P2RX7: variants seen among roughly 807,000 people sequenced by gnomAD.
P2RX7 encodes the protein purinergic receptor P2X 7.
Under a neutral mutation model 71.6 loss-of-function variants are expected in P2RX7, and 62 were observed. The ratio of observed to expected loss-of-function variants is 0.87; its 90% CI spans 0.71 to 1.07. P2RX7 has a LOEUF of 1.07. P2RX7 is among the 50% of genes least tolerant of loss of function. The pLI is 0.00. For missense variants in P2RX7, 686 were observed against 748.5 expected (o/e 0.92, Z 0.97); for synonymous variants, 299 against 283.3 (o/e 1.06, Z -0.56).
chr12:121,187,509 G>A lies in P2RX7; in HGVS notation c.*2707G>A, dbSNP rs1884995931. On this transcript the variant is annotated 3_prime_UTR_variant, in exon 13 of 13. Coordinates refer to ENST00000328963, the MANE Select transcript of P2RX7 (RefSeq NM_002562.6). ...CCATTCTGATGGCTTCTGGGCCTTTGTACCTTTGTTTTTGGTGCCTTATTC... is the reference window on the plus strand; with the variant it reads ...CCATTCTGATGGCTTCTGGGCCTTTATACCTTTGTTTTTGGTGCCTTATTC... The A allele has an allele frequency of 2.0e-5, 3 of 152,068 alleles. No individual in the cohort carries two copies. Among genetic ancestry groups the A allele is most frequent in the Admixed American group, 2.0e-4 (3 of 15,254 alleles). 9.4% of individuals were successfully genotyped at this position (152,068 alleles called of 1,614,324 possible). A position where few individuals can be genotyped will look rare whatever the true frequency, so the allele number is the denominator to read the frequency against.
intron 12 of P2RX7, among the ~76,000 whole-genome samples, chr12:121,183,590 T>TACAC (rs71079032): frequency 5.4e-4 from 64 of 117,676 alleles, no homozygotes; most frequent in African/African-American, 6.9e-4. Flanking sequence ...AAACAACAAA[T>TACAC]ACACACACAC....
At chr12:121,161,121 T>C (rs2136067368) in intron 4 of P2RX7, 147 bp downstream of exon 4, 1 of 717,610 alleles carries the variant, frequency 1.4e-6, no homozygotes, top group East Asian at 2.5e-5. Flanking sequence ...TGCCCATGCT[T>C]CGGCTCTGTC....
At chr12:121,170,049 T>A (rs1052891546) in intron 8 of P2RX7, among the ~76,000 whole-genome samples, 4 of 152,186 alleles carry the variant, frequency 2.6e-5, no homozygotes, top group African/African-American at 9.6e-5. Flanking sequence ...GCCTGGCCCC[T>A]GTGTAGACGT....
At chr12:121,159,725 G>A (rs61746435) in intron 3 of P2RX7, among the ~76,000 whole-genome samples, 67 of 152,252 alleles carry the variant, frequency 4.4e-4, no homozygotes, top group African/African-American at 1.6e-3. Flanking sequence ...TCTCTCTTCC[G>A]TGTTCTGTCC....
At position 121,166,150 on chromosome 12, in the gene P2RX7, G is replaced by A. The variant is rs200108827; in HGVS notation, c.707G>A (p.Arg236Gln). 172 of 1,613,928 alleles carry A rather than the reference G, an allele frequency of 1.1e-4. No homozygotes were observed. Among genetic ancestry groups the A allele is most frequent in the Non-Finnish European group, 1.2e-4 (138 of 1,179,880 alleles). The change falls in exon 7 of 13, where the codon CGA becomes CAA. Residue 236 changes from arginine (R) to glutamine (Q), a missense_variant. Coordinates refer to ENST00000328963, the MANE Select transcript of P2RX7 (RefSeq NM_002562.6). Reference sequence around the variant, plus strand: ...ATTTTCCGACTAGGAGACATCTTCCGAGAAACAGGCGATAATTTTTCAGAT... The same window carrying A: ...ATTTTCCGACTAGGAGACATCTTCCAAGAAACAGGCGATAATTTTTCAGAT... ...CPIFRLGDIF[R>Q]ETGDNFSDVA...
intron 11 of P2RX7, among the ~76,000 whole-genome samples, chr12:121,178,783 C>T (rs1202115086): frequency 2.6e-5 from 3 of 114,772 alleles, no homozygotes; most frequent in Non-Finnish European, 5.2e-5. Flanking sequence ...CAGAGGGAAA[C>T]TCTGTCTCAA....
chr12:121,167,692 A>C, intron 8 of P2RX7, 68 bp downstream of exon 8: 1 of 1,391,286 alleles, frequency 7.2e-7, no homozygotes, highest in South Asian at 1.7e-5. Flanking sequence ...GGTGAGACTA[A>C]TTTTGGTTTC....
chr12:121,176,654 A>G (rs1395077019), intron 9 of P2RX7, among the ~76,000 whole-genome samples: 1 of 149,010 alleles, frequency 6.7e-6, no homozygotes, highest in African/African-American at 2.5e-5. Flanking sequence ...TGGGAGGCTG[A>G]GGCAGGAGTA....
At chr12:121,176,751 C>CAAAAAAAAAA (rs34853051) in intron 9 of P2RX7, among the ~76,000 whole-genome samples, 1 of 68,776 alleles carries the variant, frequency 1.5e-5, no homozygotes, top group African/African-American at 5.4e-5. Flanking sequence ...GACTCTGTCT[C>CAAAAAAAAAA]AAAAAAAAAA....
intron 1 of P2RX7, among the ~76,000 whole-genome samples, chr12:121,151,395 A>G (rs546712499): frequency 6.6e-6 from 1 of 151,668 alleles, no homozygotes; most frequent in Non-Finnish European, 1.5e-5. Flanking sequence ...TGCCACCACA[A>G]CTGGCTAATT....
intron 1 of P2RX7, among the ~76,000 whole-genome samples, chr12:121,136,023 A>AAAAAAAAAAAAAAAATATATATAT: frequency 2.0e-4 from 3 of 15,260 alleles, no homozygotes; most frequent in Non-Finnish European, 5.5e-4. Context: ...AAAAAAAAAA[A>AAAAAAAAAAAAAAAATATATATAT]ATATATATAT....
rs574113204 is a variant in P2RX7, at chr12:121,158,201, A to G, written c.363+2054A>G. Among the ~76,000 whole-genome samples, 11 of 152,316 alleles carry G rather than the reference A, an allele frequency of 7.2e-5. No individual in the cohort carries two copies. The South Asian group carries it at 1.0e-3, about 14-fold the overall frequency. ...CTCCATTTATCTGTGGCTGCAAAAC[A>G]AACTACCCTGATCATGGTGGGCTTA... On this transcript the variant is annotated intron_variant, in intron 3 of 12. Coordinates refer to ENST00000328963, the MANE Select transcript of P2RX7 (RefSeq NM_002562.6).
At chr12:121,160,145 C>T (rs1349069639) in intron 3 of P2RX7, among the ~76,000 whole-genome samples, 1 of 147,946 alleles carries the variant, frequency 6.8e-6, no homozygotes, top group Non-Finnish European at 1.5e-5. Context: ...TTTCTTCCTT[C>T]CTTCCTTTCT....
chr12:121,162,321 G>A (rs1879889588), intron 4 of P2RX7, 103 bp from the exon 5 acceptor site: 1 of 1,507,958 alleles, frequency 6.6e-7, no homozygotes, highest in African/African-American at 1.4e-5. Context: ...CCTGGTCAAA[G>A]CCTAGTCTCT....
chr12:121,133,687 G>A (rs1057056091), intron 1 of P2RX7, among the ~76,000 whole-genome samples: 3 of 152,076 alleles, frequency 2.0e-5, no homozygotes, highest in East Asian at 1.9e-4. Flanking sequence ...TATTTTAATC[G>A]ACTCAAAAGG....
chr12:121,142,336 C>G (rs1349475748), intron 1 of P2RX7, among the ~76,000 whole-genome samples: 1 of 152,208 alleles, frequency 6.6e-6, no homozygotes, highest in Non-Finnish European at 1.5e-5. Flanking sequence ...TGGCTGTCAG[C>G]CTGGGGCCAC....
chr12:121,150,759 A>G (rs891015807), intron 1 of P2RX7, among the ~76,000 whole-genome samples: 11 of 152,290 alleles, frequency 7.2e-5, no homozygotes, highest in Admixed American at 1.3e-4. Flanking sequence ...AAATACAAAA[A>G]TTAGCTGGGC....
chr12:121,174,875 G>A (rs948159889), intron 8 of P2RX7, among the ~76,000 whole-genome samples: 1 of 151,970 alleles, frequency 6.6e-6, no homozygotes, highest in African/African-American at 2.4e-5. Context: ...TGGGGAGGGG[G>A]GACTGCTCTT....
At chr12:121,136,023 A>AAAAAAAAAAAAAATATAT in intron 1 of P2RX7, among the ~76,000 whole-genome samples, 24 of 15,262 alleles carry the variant, frequency 1.6e-3, no homozygotes, top group South Asian at 5.4e-3. Flanking sequence ...AAAAAAAAAA[A>AAAAAAAAAAAAAATATAT]ATATATATAT....
Sources: gnomAD v4.1 joint callset for allele counts (sites outside exome capture counted in the v4.1 genomes callset) on GRCh38, gnomAD v4.1.1 for gene constraint, MANE v1.5 for transcripts, NCBI Gene and HGNC (gene_info 2026-07-23, HGNC 2026-07-21) for gene names.